The following GGNBP2 variants were observed in gnomAD, a reference collection of about 807,000 sequenced individuals.
GGNBP2 encodes gametogenetin-binding protein 2.
A neutral mutation model predicts 85.9 loss-of-function variants in GGNBP2; 10 were observed. The ratio of observed to expected loss-of-function variants is 0.12; its 90% CI spans 0.07 to 0.20. The LOEUF (loss-of-function observed/expected upper bound fraction) is 0.20. Among genes scored for constraint, GGNBP2 ranks in the 10% least tolerant of loss-of-function variants. The probability of loss-of-function intolerance (pLI) is 1.00; values close to 1 mark genes in which losing one functional copy is unlikely to be tolerated. For synonymous variants in GGNBP2, 287 were observed against 285.7 expected (o/e 1.00, Z -0.05); for missense variants, 595 against 857.8 (o/e 0.69, Z 3.83).
intron 6 of GGNBP2, among the ~76,000 whole-genome samples, chr17:36,575,640 A>ATTTT (rs1247915817): frequency 8.0e-5 from 4 of 50,060 alleles, no homozygotes; most frequent in East Asian, 7.0e-4. Context: ...ATATATATAT[A>ATTTT]TATATATATT....
At chr17:36,581,652 G>A in intron 9 of GGNBP2, 114 bp downstream of exon 9, 1 of 656,784 alleles carries the variant, frequency 1.5e-6, no homozygotes, top group East Asian at 3.0e-5. Context: ...GGCCCAGGGT[G>A]GAGGTATCAC....
intron 2 of GGNBP2, among the ~76,000 whole-genome samples, chr17:36,550,606 C>A (rs1385040352): frequency 6.6e-6 from 1 of 152,054 alleles, no homozygotes; most frequent in Non-Finnish European, 1.5e-5. Context: ...TGTGAGAATG[C>A]GCTAAAAACA....
chr17:36,552,312 A>G (rs529795693), intron 2 of GGNBP2, among the ~76,000 whole-genome samples: 12 of 152,328 alleles, frequency 7.9e-5, no homozygotes, highest in African/African-American at 2.6e-4. Flanking sequence ...TGCTTTTATT[A>G]TAATAGTTTT....
At chr17:36,553,710 A>G (rs1432448227) in intron 2 of GGNBP2, among the ~76,000 whole-genome samples, 1 of 152,194 alleles carries the variant, frequency 6.6e-6, no homozygotes, top group African/African-American at 2.4e-5. Flanking sequence ...GTTTTAGTTA[A>G]GATATACATG....
chr17:36,589,491 G>GT lies in GGNBP2; in HGVS notation c.*81dup, dbSNP rs2074737332. The GT allele has an allele frequency of 9.4e-7, 1 of 1,058,748 alleles. No homozygotes were observed. Among genetic ancestry groups the GT allele is most frequent in the African/African-American group, 1.6e-5 (1 of 63,278 alleles). The allele number at this position is 1,058,748 out of a possible 1,614,324, so 65.6% of individuals were successfully genotyped here. A position where few individuals can be genotyped will look rare whatever the true frequency, so the allele number is the denominator to read the frequency against. On this transcript the variant is annotated 3_prime_UTR_variant, in exon 14 of 14. Transcript: ENST00000613102. ...TCTCTTTCGAAAAACTCTTAATTTA[G>GT]TGACTTATGGCAAAATTTTATCTTA... is the stretch of plus-strand genomic sequence containing the variant.
intron 2 of GGNBP2, among the ~76,000 whole-genome samples, chr17:36,552,466 A>G (rs2074319013): frequency 6.6e-6 from 1 of 152,324 alleles, no homozygotes; most frequent in African/African-American, 2.4e-5. Flanking sequence ...ATTGATAGCT[A>G]CAGCATTAAA....
chr17:36,563,652 A>ATGTTCT (rs2142728260), intron 5 of GGNBP2, among the ~76,000 whole-genome samples: 1 of 147,106 alleles, frequency 6.8e-6, no homozygotes, highest in East Asian at 2.0e-4. Context: ...ACCACACATT[A>ATGTTCT]TGTTCTTGTA....
At chr17:36,566,790 A>G (rs559890995) in intron 5 of GGNBP2, among the ~76,000 whole-genome samples, 4 of 152,240 alleles carry the variant, frequency 2.6e-5, no homozygotes, top group African/African-American at 4.8e-5. Context: ...TAATTAATCT[A>G]TGACCTTCCC....
chr17:36,573,496 G>A (rs2074547032), intron 6 of GGNBP2, among the ~76,000 whole-genome samples: 1 of 152,218 alleles, frequency 6.6e-6, no homozygotes, highest in Non-Finnish European at 1.5e-5. Flanking sequence ...ACATGAGTGT[G>A]CAAATATCTC....
At chr17:36,583,604 G>A (rs999688833) in intron 9 of GGNBP2, among the ~76,000 whole-genome samples, 8 of 152,050 alleles carry the variant, frequency 5.3e-5, no homozygotes, top group South Asian at 2.1e-4. Context: ...GACTACAGGC[G>A]CCTACCACCA....
chr17:36,555,369 G>A (rs758396765), intron 3 of GGNBP2, among the ~76,000 whole-genome samples: 11 of 152,114 alleles, frequency 7.2e-5, no homozygotes, highest in Non-Finnish European at 1.0e-4. Flanking sequence ...GGATCCCTAG[G>A]CAAACCAAAA....
chr17:36,575,648 A>ATATATTTTTTTTTTTTTTTT (rs374366757), intron 6 of GGNBP2, among the ~76,000 whole-genome samples: 1 of 54,912 alleles, frequency 1.8e-5, no homozygotes, highest in East Asian at 6.3e-4. Flanking sequence ...ATATATATAT[A>ATATATTTTTTTTTTTTTTTT]TTTTTTTTTT....
chr17:36,568,442 G>A (rs2074489918), intron 6 of GGNBP2, among the ~76,000 whole-genome samples: 1 of 151,960 alleles, frequency 6.6e-6, no homozygotes, highest in South Asian at 2.1e-4. Flanking sequence ...GACTACAGGC[G>A]CATGCCACCA....
At chr17:36,560,658 A>C in intron 4 of GGNBP2, 115 bp from the exon 5 acceptor site, 1 of 606,388 alleles carries the variant, frequency 1.6e-6, no homozygotes, top group Non-Finnish European at 2.8e-6. Flanking sequence ...GGGATAGAGA[A>C]AAGTGGTTTT....
intron 6 of GGNBP2, among the ~76,000 whole-genome samples, chr17:36,575,647 T>TATATATAC (rs2074572632): frequency 1.8e-5 from 1 of 56,062 alleles, no homozygotes; most frequent in African/African-American, 7.3e-5. Flanking sequence ...TATATATATA[T>TATATATAC]ATTTTTTTTT....
chr17:36,546,397 T>G (rs2074255571), intron 2 of GGNBP2: 1 of 155,974 alleles, frequency 6.4e-6, no homozygotes, highest in Non-Finnish European at 1.4e-5. Flanking sequence ...GCTAGGCCCT[T>G]TCTTCAAAAC....
At chr17:36,561,759 G>T (rs967956124) in intron 5 of GGNBP2, among the ~76,000 whole-genome samples, 10 of 151,974 alleles carry the variant, frequency 6.6e-5, no homozygotes, top group African/African-American at 2.4e-4. Flanking sequence ...GAGTAGTTGG[G>T]ACTACAGGTG....
intron 6 of GGNBP2, among the ~76,000 whole-genome samples, chr17:36,570,729 T>C (rs1177600500): frequency 2.0e-5 from 3 of 151,352 alleles, no homozygotes; most frequent in East Asian, 2.0e-4. Flanking sequence ...AAAAAAAGAA[T>C]TACGGTAGAG....
chr17:36,560,978 T>TTA, intron 5 of GGNBP2, 107 bp downstream of exon 5: 1 of 627,226 alleles, frequency 1.6e-6, no homozygotes, highest in Non-Finnish European at 2.7e-6. Context: ...CATTAATTGG[T>TTA]TATACTCTAT....
Sources: allele counts gnomAD v4.1 joint callset (sites outside exome capture counted in the v4.1 genomes callset), GRCh38; gene constraint gnomAD v4.1.1; transcripts MANE v1.5; gene names NCBI Gene and HGNC (gene_info 2026-07-23, HGNC 2026-07-21).